The following TULP4 variants were observed in gnomAD, a reference collection of about 807,000 sequenced individuals.
The protein encoded by TULP4 is TUB like protein 4.
A neutral mutation model predicts 129.0 loss-of-function variants in TULP4; 16 were observed. The observed-to-expected ratio is 0.12, with a 90% CI of 0.08 to 0.19. The LOEUF is 0.19. Among genes scored for constraint, TULP4 ranks in the 10% least tolerant of loss-of-function variants. TULP4 has a pLI of 1.00. For synonymous variants in TULP4, 998 were observed against 854.0 expected, an observed-to-expected ratio of 1.17 and a Z score of -2.94; for missense variants, 1,842 against 2,059.1, an observed-to-expected ratio of 0.89 and a Z score of 2.04.
At chr6:158,355,272 G>T (rs1341320925) in intron 1 of TULP4, among the ~76,000 whole-genome samples, 1 of 152,046 alleles carries the variant, frequency 6.6e-6, no homozygotes, top group African/African-American at 2.4e-5. Flanking sequence ...TTTTGTAGAG[G>T]TGGGGGTCTT....
intron 1 of TULP4, among the ~76,000 whole-genome samples, chr6:158,340,094 G>A (rs545976795): frequency 2.6e-5 from 4 of 152,250 alleles, no homozygotes; most frequent in South Asian, 4.1e-4. Context: ...GCTCGTGCAA[G>A]GTGAGTTGAC....
intron 2 of TULP4, among the ~76,000 whole-genome samples, chr6:158,425,370 A>G (rs1778457435): frequency 6.7e-6 from 1 of 149,212 alleles, no homozygotes; most frequent in Non-Finnish European, 1.5e-5. Context: ...AAAATTAGCC[A>G]GGTATGGTAG....
Position 158,502,392 on chromosome 6 carries a change from C to T in TULP4, c.2729C>T (p.Ser910Phe). 6.2e-7 allele frequency: 1 copy of T among 1,613,776 alleles called. No individual in the cohort carries two copies. Among genetic ancestry groups the T allele is most frequent in the Admixed American group, 1.7e-5 (1 of 60,000 alleles). ...VCRPRTRMLCSQNTYTLPGPG... is the reference protein window; with the variant it reads ...VCRPRTRMLCFQNTYTLPGPG... ...CGGCCCCGCACCCGGATGCTGTGCT[C>T]CCAGAACACGTACACCCTCCCCGGC... The change falls in exon 13 of 14, where the codon TCC becomes TTC. Residue 910 changes from serine to phenylalanine, a missense_variant. Transcript: ENST00000367097.
chr6:158,310,408 C>T (rs1779323674), upstream of TULP4: 1 of 149,936 alleles, frequency 6.7e-6, no homozygotes, highest in Non-Finnish European at 1.5e-5. Flanking sequence ...GCAACCTCTG[C>T]CTTTCGGTTT....
At chr6:158,431,756 C>T (rs1413181117) in intron 3 of TULP4, among the ~76,000 whole-genome samples, 3 of 152,030 alleles carry the variant, frequency 2.0e-5, no homozygotes, top group Non-Finnish European at 1.5e-5. Context: ...TGCCGTGGAA[C>T]GTGAAGGGGG....
At chr6:158,488,408 G>A (rs892795494) in intron 8 of TULP4, among the ~76,000 whole-genome samples, 2 of 152,088 alleles carry the variant, frequency 1.3e-5, no homozygotes, top group Non-Finnish European at 2.9e-5. Flanking sequence ...TGTGGCTTTC[G>A]CTGGGTCCAG....
At chr6:158,491,792 A>C (rs986970974) in intron 9 of TULP4, among the ~76,000 whole-genome samples, 5 of 151,436 alleles carry the variant, frequency 3.3e-5, no homozygotes, top group African/African-American at 1.2e-4. Flanking sequence ...CAACTGGCCC[A>C]AGCTCCTGTG....
intron 1 of TULP4, among the ~76,000 whole-genome samples, chr6:158,263,089 C>T (rs762249183): frequency 1.3e-5 from 2 of 152,228 alleles, no homozygotes; most frequent in Non-Finnish European, 1.5e-5. Flanking sequence ...GTTTAAATTA[C>T]CTGTGGTACT....
intron 1 of TULP4, among the ~76,000 whole-genome samples, chr6:158,243,621 T>C (rs1340092324): frequency 6.6e-6 from 1 of 152,154 alleles, no homozygotes; most frequent in East Asian, 1.9e-4. Context: ...ATGTAAAATA[T>C]GTTATTTTAT....
intron 1 of TULP4, among the ~76,000 whole-genome samples, chr6:158,380,713 G>T (rs1217409720): frequency 6.6e-6 from 1 of 151,536 alleles, no homozygotes; most frequent in Non-Finnish European, 1.5e-5. Flanking sequence ...GGCCAACACG[G>T]TGAAACCCTG....
At position 158,411,708 on chromosome 6, in the gene TULP4, G is replaced by T. The variant is rs1778104207; in HGVS notation, c.253-1357G>T. On this transcript the variant is annotated intron_variant, in intron 1 of 13. Transcript: ENST00000367097. ...ACACTAAATCAGGTGATTCCTGGGGGTTCCTCCTAGCCCTCTGGTGCCCTA... is the reference window on the plus strand; with the variant it reads ...ACACTAAATCAGGTGATTCCTGGGGTTTCCTCCTAGCCCTCTGGTGCCCTA... Among the ~76,000 whole-genome samples, 3 of 152,154 alleles carry T rather than the reference G, an allele frequency of 2.0e-5. No individual in the cohort carries two copies. In the South Asian group the frequency reaches 6.2e-4, roughly 32 times the overall value.
intron 1 of TULP4, among the ~76,000 whole-genome samples, chr6:158,378,485 T>TTTTTTTTGTGG (rs1554285635): frequency 1.9e-5 from 1 of 51,414 alleles, no homozygotes; most frequent in African/African-American, 7.6e-5. Flanking sequence ...TTTTTTTTTT[T>TTTTTTTTGTGG]GGTGGGGGTG....
chr6:158,401,050 T>TTGTTGTTGTTGTTG (rs1562551078), intron 1 of TULP4, among the ~76,000 whole-genome samples: 8 of 147,100 alleles, frequency 5.4e-5, no homozygotes, highest in African/African-American at 1.8e-4. Flanking sequence ...GTTTGGGTTT[T>TTGTTGTTGTTGTTG]TTGTTGTTGT....
At chr6:158,490,795 T>C (rs1311706754) in intron 9 of TULP4, among the ~76,000 whole-genome samples, 1 of 152,186 alleles carries the variant, frequency 6.6e-6, no homozygotes, top group Non-Finnish European at 1.5e-5. Context: ...GGCTCTTTTT[T>C]TTTTTTTGCT....
intron 2 of TULP4, among the ~76,000 whole-genome samples, chr6:158,425,904 A>T (rs953986259): frequency 1.8e-4 from 28 of 152,002 alleles, no homozygotes; most frequent in African/African-American, 6.5e-4. Flanking sequence ...CTGTTTTTTG[A>T]CTTTTTAATC....
intron 3 of TULP4, among the ~76,000 whole-genome samples, chr6:158,441,462 G>A (rs1778896796): frequency 6.6e-6 from 1 of 152,112 alleles, no homozygotes; most frequent in African/African-American, 2.4e-5. Context: ...GCATGATGAT[G>A]GCCTTGGTTT....
chr6:158,339,682 C>G (rs1475938705), intron 1 of TULP4, among the ~76,000 whole-genome samples: 1 of 152,198 alleles, frequency 6.6e-6, no homozygotes, highest in African/African-American at 2.4e-5. Context: ...AAATATGGCT[C>G]TGTCCTGTGC....
upstream of TULP4, among the ~76,000 whole-genome samples, chr6:158,309,458 G>T (rs1265946954): frequency 6.7e-6 from 1 of 148,500 alleles, no homozygotes; most frequent in African/African-American, 2.6e-5. Context: ...GGGCGGCCAG[G>T]CAGAGACGCT....
intron 1 of TULP4, among the ~76,000 whole-genome samples, chr6:158,392,989 A>ATT (rs1562547841): frequency 1.5e-4 from 21 of 136,142 alleles, no homozygotes; most frequent in Admixed American, 4.0e-4. Flanking sequence ...TGTATTTAAA[A>ATT]AAAAAAAAAA....
Sources: gnomAD v4.1 joint callset for allele counts (sites outside exome capture counted in the v4.1 genomes callset) on GRCh38, gnomAD v4.1.1 for gene constraint, MANE v1.5 for transcripts, NCBI Gene and HGNC (gene_info 2026-07-23, HGNC 2026-07-21) for gene names.